Variants in TPTE observed in about 807,000 individuals in gnomAD.
The protein encoded by TPTE is transmembrane phosphatase with tensin homology, also known as putative tyrosine-protein phosphatase TPTE.
Under a neutral mutation model 84.1 loss-of-function variants are expected in TPTE, and 59 were observed. That is an observed-to-expected ratio of 0.70 (90% CI 0.57 to 0.87). TPTE has a LOEUF of 0.87. Among genes scored for constraint, TPTE ranks in the 40% least tolerant of loss-of-function variants. The pLI, the probability that TPTE is intolerant of heterozygous loss-of-function variation, is 0.00. For synonymous variants in TPTE, 130 were observed against 223.5 expected (o/e 0.58, Z 3.73); for missense variants, 382 against 659.6 (o/e 0.58, Z 4.61).
intron 17 of TPTE, among the ~76,000 whole-genome samples, chr21:10,585,017 A>G (rs1349012088): frequency 1.3e-5 from 2 of 152,308 alleles, no homozygotes; most frequent in Non-Finnish European, 2.9e-5. Flanking sequence ...AGATCACTTG[A>G]GGCCAGGAGT....
chr21:10,558,730 GTCT>G (rs1259068483), intron 8 of TPTE, among the ~76,000 whole-genome samples: 1 of 148,330 alleles, frequency 6.7e-6, no homozygotes, highest in Non-Finnish European at 1.5e-5. Flanking sequence ...ACTTCCTGAA[GTCT>G]TCTTCTACTG....
At chr21:10,589,457 T>C (rs1439126088) in intron 17 of TPTE, among the ~76,000 whole-genome samples, 2 of 151,620 alleles carry the variant, frequency 1.3e-5, no homozygotes, top group Admixed American at 6.5e-5. Context: ...TACACATTAA[T>C]CTGAGCTCCC....
intron 19 of TPTE, among the ~76,000 whole-genome samples, chr21:10,593,366 G>T (rs1277221133): frequency 2.0e-5 from 3 of 152,302 alleles, no homozygotes; most frequent in Non-Finnish European, 2.9e-5. Context: ...TTCCAAAATT[G>T]TCTTAAAATC....
intron 23 of TPTE, among the ~76,000 whole-genome samples, chr21:10,604,983 A>G (rs1979097705): frequency 6.6e-6 from 1 of 152,310 alleles, no homozygotes; most frequent in Non-Finnish European, 1.5e-5. Flanking sequence ...TGGAACACTC[A>G]GCATGTGGGA....
chr21:10,526,007 C>CTTCA (rs145772077), intron 2 of TPTE, among the ~76,000 whole-genome samples: 3,711 of 150,708 alleles, frequency 0.025, 1 homozygote, highest in Non-Finnish European at 0.038. Context: ...AATAAGGCTG[C>CTTCA]TTATGTCAGA....
intron 7 of TPTE, among the ~76,000 whole-genome samples, chr21:10,545,639 C>T (rs769916165): frequency 8.7e-4 from 128 of 146,622 alleles, no homozygotes; most frequent in South Asian, 2.1e-3. Context: ...TCTATCTACA[C>T]ACACACACAC....
rs529365337 is a variant in TPTE, at chr21:10,538,329, C to CT, written c.-43-349dup. Among the ~76,000 whole-genome samples, 11 of 152,424 alleles carry CT rather than the reference C, an allele frequency of 7.2e-5. No homozygotes were observed. In the South Asian group the frequency reaches 2.3e-3, roughly 32 times the overall value. ...AATCAAGTGAAGAAGTAATGGAGGG[C>CT]TTTCGAGGCAGCACATTTAGTGGAA... On this transcript the variant is annotated intron_variant, in intron 3 of 23. Transcript: ENST00000618007.
intron 23 of TPTE, among the ~76,000 whole-genome samples, chr21:10,604,446 T>TA (rs58281974): frequency 2.0e-3 from 308 of 151,974 alleles, no homozygotes; most frequent in African/African-American, 7.2e-3. Context: ...TAGTTATTGT[T>TA]ACATCCAGTC....
chr21:10,597,759 T>C (rs1194785632), intron 20 of TPTE, among the ~76,000 whole-genome samples: 1 of 152,304 alleles, frequency 6.6e-6, no homozygotes, highest in East Asian at 1.9e-4. Context: ...AGTGATGGGA[T>C]TCTAAGTCTT....
At chr21:10,603,048 G>A (rs1424190865) in intron 22 of TPTE, among the ~76,000 whole-genome samples, 1 of 152,306 alleles carries the variant, frequency 6.6e-6, no homozygotes, top group South Asian at 2.1e-4. Flanking sequence ...CCATAGTGAA[G>A]TGGTCATCAT....
intron 17 of TPTE, among the ~76,000 whole-genome samples, chr21:10,580,077 G>A (rs1276590907): frequency 6.6e-6 from 1 of 152,310 alleles, no homozygotes; most frequent in Non-Finnish European, 1.5e-5. Context: ...TCTCTTTGTG[G>A]TTTTAATTTG....
intron 21 of TPTE, among the ~76,000 whole-genome samples, chr21:10,599,639 T>C (rs1483385701): frequency 6.6e-6 from 1 of 152,306 alleles, no homozygotes; most frequent in Non-Finnish European, 1.5e-5. Flanking sequence ...TCAACCATAT[T>C]TTTCAACAAC....
intron 17 of TPTE, among the ~76,000 whole-genome samples, chr21:10,583,004 A>G (rs1335215556): frequency 6.6e-6 from 1 of 152,308 alleles, no homozygotes; most frequent in Non-Finnish European, 1.5e-5. Flanking sequence ...AATTGCTGGG[A>G]TTACAGGCAT....
At chr21:10,526,350 G>T (rs1445149781) in intron 2 of TPTE, among the ~76,000 whole-genome samples, 1 of 152,308 alleles carries the variant, frequency 6.6e-6, no homozygotes, top group Non-Finnish European at 1.5e-5. Flanking sequence ...GTGCTTAAAG[G>T]TTGGAGCTAT....
intron 10 of TPTE, among the ~76,000 whole-genome samples, chr21:10,565,430 T>A (rs1377397976): frequency 6.6e-6 from 1 of 152,308 alleles, no homozygotes; most frequent in Non-Finnish European, 1.5e-5. Flanking sequence ...GTCCATACTC[T>A]CCAAAGCAAT....
At chr21:10,593,735 C>T (rs2075529066) in intron 19 of TPTE, among the ~76,000 whole-genome samples, 1 of 152,310 alleles carries the variant, frequency 6.6e-6, no homozygotes, top group Non-Finnish European at 1.5e-5. Flanking sequence ...TTGCTGTGCA[C>T]AGCTTGTCAT....
At chr21:10,579,875 C>T (rs2075240482) in intron 17 of TPTE, among the ~76,000 whole-genome samples, 1 of 152,310 alleles carries the variant, frequency 6.6e-6, no homozygotes, top group South Asian at 2.1e-4. Context: ...GGATATATAC[C>T]CAGAAGTGGA....
chr21:10,542,219 A>T (rs552029663), intron 5 of TPTE, among the ~76,000 whole-genome samples, 176 bp from the exon 6 acceptor site: 344 of 152,280 alleles, frequency 2.3e-3, no homozygotes, highest in Non-Finnish European at 4.3e-3. Context: ...GGTTGTCGCC[A>T]TATAAATCCT....
chr21:10,568,543 G>T (rs1470311717), intron 11 of TPTE, among the ~76,000 whole-genome samples: 1 of 152,308 alleles, frequency 6.6e-6, no homozygotes, highest in African/African-American at 2.4e-5. Context: ...TCCTAAGCTT[G>T]TTCATGGGTC....
Sources: allele counts gnomAD v4.1 joint callset (sites outside exome capture counted in the v4.1 genomes callset), GRCh38; gene constraint gnomAD v4.1.1; transcripts MANE v1.5; gene names NCBI Gene and HGNC (gene_info 2026-07-23, HGNC 2026-07-21).